STIM2: variants seen among roughly 807,000 people sequenced by gnomAD.
The protein encoded by STIM2 is stromal interaction molecule 2.
A neutral mutation model predicts 85.8 loss-of-function variants in STIM2; 31 were observed. The observed-to-expected ratio is 0.36, with a 90% CI of 0.27 to 0.49. STIM2 has a LOEUF of 0.49. Among genes scored for constraint, STIM2 ranks in the 20% least tolerant of loss-of-function variants. The pLI is 0.98. For missense variants in STIM2, 841 were observed against 927.6 expected, an observed-to-expected ratio of 0.91 and a Z score of 1.21; for synonymous variants, 356 against 331.1, an observed-to-expected ratio of 1.08 and a Z score of -0.82.
intron 1 of STIM2, among the ~76,000 whole-genome samples, chr4:26,889,039 G>C (rs76024112): frequency 6.6e-6 from 1 of 152,084 alleles, no homozygotes; most frequent in Admixed American, 6.5e-5. Flanking sequence ...CCTCTTTTTG[G>C]AAATAAGGCC....
chr4:26,878,573 T>C (rs1041155924), intron 1 of STIM2, among the ~76,000 whole-genome samples: 2 of 152,136 alleles, frequency 1.3e-5, no homozygotes, highest in Non-Finnish European at 2.9e-5. Flanking sequence ...CTAATCCTGA[T>C]TTTTGGTATA....
intron 1 of STIM2, among the ~76,000 whole-genome samples, chr4:26,884,443 C>G (rs552006164): frequency 2.0e-5 from 3 of 152,076 alleles, no homozygotes; most frequent in Non-Finnish European, 4.4e-5. Flanking sequence ...ATGCTCTGCT[C>G]GAAATGGTTA....
At chr4:26,895,874 C>T (rs1019329977) in intron 1 of STIM2, among the ~76,000 whole-genome samples, 1 of 152,198 alleles carries the variant, frequency 6.6e-6, no homozygotes, top group African/African-American at 2.4e-5. Context: ...TGTTAGTTTT[C>T]TACTGCTGCA....
At position 26,912,830 on chromosome 4, in the gene STIM2, C is replaced by T. The variant is rs995329633; in HGVS notation, c.152-6674C>T. ...AAATGGACACATTCACCTTTGATTGCTACTTCACCTGTCTTTTGCTGGTGT... is the reference window on the plus strand; with the variant it reads ...AAATGGACACATTCACCTTTGATTGTTACTTCACCTGTCTTTTGCTGGTGT... On this transcript the variant is annotated intron_variant, in intron 1 of 11. Transcript: ENST00000467087. Among the ~76,000 whole-genome samples, 4 of 152,228 alleles carry T rather than the reference C, an allele frequency of 2.6e-5. No individual in the cohort carries two copies. In the South Asian group the frequency reaches 8.3e-4, roughly 32 times the overall value.
At chr4:26,885,869 A>ATATATATATATG (rs1723224330) in intron 1 of STIM2, among the ~76,000 whole-genome samples, 2 of 105,204 alleles carry the variant, frequency 1.9e-5, no homozygotes, top group Non-Finnish European at 4.0e-5. Flanking sequence ...ATATATATAT[A>ATATATATATATG]TATATGTATA....
At chr4:26,979,805 A>T (rs1319674127) in intron 3 of STIM2, among the ~76,000 whole-genome samples, 1 of 152,230 alleles carries the variant, frequency 6.6e-6, no homozygotes, top group Non-Finnish European at 1.5e-5. Context: ...TTCACCTGCT[A>T]TGAGAAATGG....
chr4:26,896,073 G>C (rs558253994), intron 1 of STIM2, among the ~76,000 whole-genome samples: 2 of 152,312 alleles, frequency 1.3e-5, no homozygotes, highest in East Asian at 3.9e-4. Flanking sequence ...TCTGGTTGTT[G>C]AGGTAATTGA....
chr4:26,974,881 A>G (rs1052264150), intron 3 of STIM2, among the ~76,000 whole-genome samples: 1 of 152,170 alleles, frequency 6.6e-6, no homozygotes, highest in African/African-American at 2.4e-5. Context: ...CACCAATCAA[A>G]TGTAGATTTG....
chr4:26,999,454 A>G (rs1045820601), intron 5 of STIM2, 107 bp downstream of exon 5: 2 of 474,300 alleles, frequency 4.2e-6, no homozygotes, highest in Non-Finnish European at 7.0e-6. Context: ...AAGAAGAATC[A>G]TCTATTACCT....
At chr4:26,947,150 C>T (rs62302532) in intron 2 of STIM2, among the ~76,000 whole-genome samples, 31,859 of 151,852 alleles carry the variant, frequency 0.21, 3,448 homozygotes, top group East Asian at 0.41. Context: ...TGCAGTAGCT[C>T]CAAGTGTTGT....
intron 3 of STIM2, among the ~76,000 whole-genome samples, chr4:26,960,593 G>A (rs1050702595): frequency 6.6e-5 from 10 of 152,014 alleles, no homozygotes; most frequent in African/African-American, 2.4e-4. Context: ...TAATTTAGTT[G>A]GTCAAATGTT....
At chr4:26,889,272 G>A (rs543470300) in intron 1 of STIM2, among the ~76,000 whole-genome samples, 13 of 152,284 alleles carry the variant, frequency 8.5e-5, no homozygotes, top group African/African-American at 2.9e-4. Context: ...TGCTGACAAC[G>A]TAACTGAGTC....
chr4:27,023,098 C>A lies in STIM2; in HGVS notation c.*102C>A. 3 of 1,158,172 alleles carry A rather than the reference C, an allele frequency of 2.6e-6. No homozygotes were observed. The highest frequency in any genetic ancestry group is 3.7e-6 in the Non-Finnish European group (3 of 816,412). The allele number at this position is 1,158,172 out of a possible 1,614,324, so 71.7% of individuals were successfully genotyped here. On this transcript the variant is annotated 3_prime_UTR_variant, in exon 12 of 12. Transcript: ENST00000467087. ...TTTTGGTTTAATTTTAGGAATGTAA[C>A]TCCATTGGGGCTTTCCAGGCCGGAT...
chr4:27,010,022 A>G (rs1162405427), intron 10 of STIM2, among the ~76,000 whole-genome samples: 2 of 152,208 alleles, frequency 1.3e-5, no homozygotes, highest in Admixed American at 1.3e-4. Flanking sequence ...GGATATCCAT[A>G]TGTCCGTTAA....
At chr4:26,970,199 G>T (rs536172271) in intron 3 of STIM2, among the ~76,000 whole-genome samples, 2,882 of 91,122 alleles carry the variant, frequency 0.032, 39 homozygotes, top group Non-Finnish European at 0.044. Flanking sequence ...TAGTGTGTGT[G>T]TATATATATA....
chr4:26,935,956 T>G (rs1344973464), intron 2 of STIM2, among the ~76,000 whole-genome samples: 2 of 152,206 alleles, frequency 1.3e-5, no homozygotes, highest in Non-Finnish European at 2.9e-5. Flanking sequence ...TTTGTGACTT[T>G]ACTTTTGCCA....
chr4:26,957,385 T>A (rs115227543), intron 2 of STIM2, among the ~76,000 whole-genome samples: 2,703 of 152,242 alleles, frequency 0.018, 89 homozygotes, highest in African/African-American at 0.062. Context: ...ATTGACTAAG[T>A]ACTTCTACTG....
chr4:26,968,014 G>GA (rs1222149194), intron 3 of STIM2, among the ~76,000 whole-genome samples: 2 of 151,976 alleles, frequency 1.3e-5, no homozygotes, highest in East Asian at 1.9e-4. Context: ...AACAAAAAAT[G>GA]AAAAAAATTC....
intron 2 of STIM2, 78 bp downstream of exon 2, chr4:26,919,712 C>T (rs1724726923): frequency 1.9e-6 from 3 of 1,545,034 alleles, no homozygotes; most frequent in East Asian, 2.3e-5. Flanking sequence ...TCAATTTTCT[C>T]TTTCCTCATG....
Sources: allele counts gnomAD v4.1 joint callset (sites outside exome capture counted in the v4.1 genomes callset), GRCh38; gene constraint gnomAD v4.1.1; transcripts MANE v1.5; gene names NCBI Gene and HGNC (gene_info 2026-07-23, HGNC 2026-07-21).